LARP4B: variants seen among roughly 807,000 people sequenced by gnomAD.
LARP4B encodes the protein La ribonucleoprotein 4B, also known as la-related protein 4B.
In LARP4B, 12 loss-of-function variants were observed where a neutral mutation model predicts 89.8. That is an observed-to-expected ratio of 0.13 (90% CI 0.09 to 0.22). LARP4B has a LOEUF of 0.22. Among genes scored for constraint, LARP4B ranks in the 10% least tolerant of loss-of-function variants. LARP4B has a pLI of 1.00. For missense variants in LARP4B, 757 were observed against 947.7 expected (o/e 0.80, Z 2.64); for synonymous variants, 367 against 363.3 (o/e 1.01, Z -0.12).
intron 7 of LARP4B, among the ~76,000 whole-genome samples, chr10:839,644 C>T (rs1475666097): frequency 6.6e-6 from 1 of 152,200 alleles, no homozygotes; most frequent in Non-Finnish European, 1.5e-5. Flanking sequence ...TGATTGCATA[C>T]GAAGTGTCAG....
chr10:925,753 C>T (rs1410704333), intron 1 of LARP4B, among the ~76,000 whole-genome samples: 2 of 152,132 alleles, frequency 1.3e-5, no homozygotes, highest in African/African-American at 2.4e-5. Flanking sequence ...AGGCTGGTCT[C>T]GAACTCCTAA....
chr10:820,159 C>G (rs1832273054), intron 14 of LARP4B: 1 of 152,492 alleles, frequency 6.6e-6, no homozygotes, highest in Non-Finnish European at 1.5e-5. Flanking sequence ...CCGTGCCATC[C>G]CACCACTGGC....
At chr10:834,878 C>T (rs899780332) in intron 8 of LARP4B, among the ~76,000 whole-genome samples, 2 of 151,770 alleles carry the variant, frequency 1.3e-5, no homozygotes, top group East Asian at 3.9e-4. Flanking sequence ...CGGCCGGGCG[C>T]GGTGGCTCAC....
At chr10:862,643 C>T (rs1056316465) in intron 5 of LARP4B, among the ~76,000 whole-genome samples, 4 of 152,050 alleles carry the variant, frequency 2.6e-5, no homozygotes, top group African/African-American at 9.7e-5. Context: ...GCCTGTAGTC[C>T]CAGCTACTCA....
At chr10:966,544 C>T in the LARP4B span, among the ~76,000 whole-genome samples, 9 of 152,360 alleles carry the variant, frequency 5.9e-5, no homozygotes, top group African/African-American at 1.9e-4. Flanking sequence ...CAGCAGTGTC[C>T]GCACATCCTA....
chr10:899,087 A>G (rs1749514956), intron 1 of LARP4B, among the ~76,000 whole-genome samples: 1 of 152,190 alleles, frequency 6.6e-6, no homozygotes, highest in African/African-American at 2.4e-5. Context: ...TGTAAAGATA[A>G]GCATCTTTTT....
At chr10:908,923 C>T (rs1836576027) in intron 1 of LARP4B, among the ~76,000 whole-genome samples, 1 of 152,148 alleles carries the variant, frequency 6.6e-6, no homozygotes, top group Admixed American at 6.5e-5. Flanking sequence ...TGGGGGACAC[C>T]TGAAACAGAT....
At chr10:909,539 CT>C (rs1467183243) in intron 1 of LARP4B, among the ~76,000 whole-genome samples, 2 of 152,042 alleles carry the variant, frequency 1.3e-5, no homozygotes, top group Non-Finnish European at 2.9e-5. Context: ...AATCCTGGCA[CT>C]TTGGGGGGCC....
At chr10:958,826 C>T in the LARP4B span, among the ~76,000 whole-genome samples, 2 of 152,222 alleles carry the variant, frequency 1.3e-5, no homozygotes, top group African/African-American at 4.8e-5. Flanking sequence ...GCCTGCTGCC[C>T]ACATCACCCA....
At chr10:843,113 G>A (rs1190646609) in intron 6 of LARP4B, 45 bp from the exon 7 acceptor site, 4 of 1,575,902 alleles carry the variant, frequency 2.5e-6, no homozygotes, top group Non-Finnish European at 1.7e-6. Context: ...TTCTTTAAAA[G>A]GAAGTTTCAC....
At chr10:871,848 G>C (rs1337539541) in intron 3 of LARP4B, among the ~76,000 whole-genome samples, 1 of 152,190 alleles carries the variant, frequency 6.6e-6, no homozygotes, top group African/African-American at 2.4e-5. Context: ...TTGTCTCTTA[G>C]TGGTGTGATA....
chr10:847,614 C>A (rs1803966600), intron 5 of LARP4B, among the ~76,000 whole-genome samples: 2 of 152,028 alleles, frequency 1.3e-5, no homozygotes, highest in African/African-American at 4.8e-5. Flanking sequence ...GCAACCTCCA[C>A]CTCCCGGGTT....
At chr10:872,078 G>A (rs1835233103) in intron 3 of LARP4B, among the ~76,000 whole-genome samples, 1 of 152,208 alleles carries the variant, frequency 6.6e-6, no homozygotes, top group African/African-American at 2.4e-5. Context: ...ATGACTTAGT[G>A]AGTCACTGTC....
chr10:963,287 G>A, the LARP4B span, among the ~76,000 whole-genome samples: 6 of 152,000 alleles, frequency 3.9e-5, no homozygotes, highest in South Asian at 2.1e-4. Context: ...GACTTCACAA[G>A]TGAGTGACCG....
chr10:969,256 C>T, the LARP4B span, among the ~76,000 whole-genome samples: 1 of 152,162 alleles, frequency 6.6e-6, no homozygotes, highest in Non-Finnish European at 1.5e-5. Flanking sequence ...TGTCTTCCTC[C>T]ATTTACCTTC....
chr10:904,495 G>T (rs912946506), intron 1 of LARP4B, among the ~76,000 whole-genome samples: 5 of 149,692 alleles, frequency 3.3e-5, no homozygotes, highest in Non-Finnish European at 7.4e-5. Flanking sequence ...CGGAGGGTTG[G>T]GGGGGCATTA....
intron 1 of LARP4B, among the ~76,000 whole-genome samples, chr10:929,783 C>G (rs1390986539): frequency 6.6e-6 from 1 of 152,088 alleles, no homozygotes; most frequent in African/African-American, 2.4e-5. Context: ...ATAAATAAGT[C>G]AACTCAACTC....
At chr10:955,904 G>A in the LARP4B span, among the ~76,000 whole-genome samples, 14 of 152,240 alleles carry the variant, frequency 9.2e-5, no homozygotes, top group Middle Eastern at 3.4e-3. This position sits in a 1 kb window ranked among gnomAD's most constrained non-coding sequence, Gnocchi z 5.2. Flanking sequence ...CACCTGAGGC[G>A]ACTGTTTCCC....
At chr10:971,658 T>C in the LARP4B span, 1 of 152,144 alleles carries the variant, frequency 6.6e-6, no homozygotes, top group East Asian at 1.9e-4. Context: ...AACAACAGTT[T>C]GAAGGCACTA....
Sources: allele counts gnomAD v4.1 joint callset (sites outside exome capture counted in the v4.1 genomes callset), GRCh38; gene constraint gnomAD v4.1.1; non-coding constraint Gnocchi (gnomAD v3.1); transcripts MANE v1.5; gene names NCBI Gene and HGNC (gene_info 2026-07-23, HGNC 2026-07-21).